The following LRRC4C variants were observed in gnomAD, a reference collection of about 807,000 sequenced individuals.
The protein encoded by LRRC4C is leucine-rich repeat-containing protein 4C.
In LRRC4C, 5 loss-of-function variants were observed where a neutral mutation model predicts 33.6. The ratio of observed to expected loss-of-function variants is 0.15; its 90% CI spans 0.08 to 0.31. LRRC4C has a LOEUF of 0.31. Ranked by LOEUF, LRRC4C falls within the 10% of genes least tolerant of loss-of-function variation. The pLI is 1.00. For synonymous variants in LRRC4C, 329 were observed against 302.0 expected (o/e 1.09, Z -0.93); for missense variants, 560 against 796.7 (o/e 0.70, Z 3.58).
At chr11:41,044,838 A>G (rs1476464592) in intron 1 of LRRC4C, among the ~76,000 whole-genome samples, 1 of 152,136 alleles carries the variant, frequency 6.6e-6, no homozygotes, top group Non-Finnish European at 1.5e-5. Context: ...ACTTGCATCA[A>G]TCCAAGTCTC....
At position 40,939,478 on chromosome 11, in the gene LRRC4C, A is replaced by AAC. The variant is rs34820264; in HGVS notation, c.-495-5756_-495-5755insGT. On this transcript the variant is annotated intron_variant, in intron 1 of 6. Coordinates refer to ENST00000528697, the MANE Select transcript of LRRC4C (RefSeq NM_001258419.2). ...CTTACTGTAAAGGATGAATAGCTTA[A>AAC]AAAGTGAAAAATACCTGAATTCATT... is the stretch of plus-strand genomic sequence containing the variant. Among the ~76,000 whole-genome samples the AAC allele has an allele frequency of 2.6e-3, 391 of 151,952 alleles. 2 individuals carry two copies. Among genetic ancestry groups the AAC allele is most frequent in the African/African-American group, 9.0e-3 (373 of 41,448 alleles).
intron 2 of LRRC4C, among the ~76,000 whole-genome samples, chr11:40,674,114 G>A (rs2136289379): frequency 6.6e-6 from 1 of 152,280 alleles, no homozygotes; most frequent in African/African-American, 2.4e-5. Flanking sequence ...AATCCCATTG[G>A]TGATCCCTTC....
chr11:40,765,126 T>C (rs1208174976), intron 2 of LRRC4C, among the ~76,000 whole-genome samples: 1 of 152,024 alleles, frequency 6.6e-6, no homozygotes, highest in Admixed American at 6.6e-5. Context: ...AGTGATATGG[T>C]TTAGTTCTGT....
intron 6 of LRRC4C, among the ~76,000 whole-genome samples, chr11:40,140,282 T>G (rs1299196706): frequency 1.3e-5 from 2 of 152,098 alleles, no homozygotes; most frequent in Non-Finnish European, 2.9e-5. Context: ...TCTCTGCAGG[T>G]AGAACTACCA....
intron 5 of LRRC4C, among the ~76,000 whole-genome samples, chr11:40,238,197 A>G (rs1363078959): frequency 6.6e-6 from 1 of 152,192 alleles, no homozygotes; most frequent in Non-Finnish European, 1.5e-5. Context: ...CTTTAAGTCC[A>G]TCTCAGCCAA....
intron 1 of LRRC4C, among the ~76,000 whole-genome samples, chr11:41,422,236 T>C (rs1355048693): frequency 6.6e-6 from 1 of 152,004 alleles, no homozygotes; most frequent in Non-Finnish European, 1.5e-5. Flanking sequence ...ATAACCATTG[T>C]CATCTCAGGG....
At chr11:41,276,843 T>C (rs1454060378) in intron 1 of LRRC4C, among the ~76,000 whole-genome samples, 2 of 152,138 alleles carry the variant, frequency 1.3e-5, no homozygotes, top group Non-Finnish European at 2.9e-5. Flanking sequence ...AGGCAGCCAC[T>C]GGAAGCTAGA....
intron 1 of LRRC4C, among the ~76,000 whole-genome samples, chr11:41,194,998 G>A (rs920455569): frequency 6.6e-6 from 1 of 151,840 alleles, no homozygotes; most frequent in Admixed American, 6.6e-5. Context: ...GCCCACCAAA[G>A]TGGTAATACT....
At chr11:40,936,166 C>G (rs1957889066) in intron 1 of LRRC4C, among the ~76,000 whole-genome samples, 1 of 145,740 alleles carries the variant, frequency 6.9e-6, no homozygotes. Flanking sequence ...TGTGGTGGAC[C>G]CAATATTAAA....
chr11:41,062,280 T>C (rs956186916), intron 1 of LRRC4C, among the ~76,000 whole-genome samples: 1 of 152,176 alleles, frequency 6.6e-6, no homozygotes, highest in Non-Finnish European at 1.5e-5. Context: ...CCAGTGTGTG[T>C]TGTTCACCTA....
intron 2 of LRRC4C, among the ~76,000 whole-genome samples, chr11:40,780,824 T>C (rs1185178459): frequency 6.6e-6 from 1 of 151,016 alleles, no homozygotes; most frequent in Non-Finnish European, 1.5e-5. Flanking sequence ...ATAATGAACA[T>C]GCAGATTGCC....
chr11:40,778,646 G>T (rs1950102939), intron 2 of LRRC4C, among the ~76,000 whole-genome samples: 1 of 152,132 alleles, frequency 6.6e-6, no homozygotes, highest in Admixed American at 6.5e-5. Context: ...AAGGAAAAAG[G>T]GGCTGGCTAA....
chr11:40,267,777 A>G (rs890356851), intron 4 of LRRC4C, among the ~76,000 whole-genome samples: 24 of 152,308 alleles, frequency 1.6e-4, no homozygotes, highest in African/African-American at 5.5e-4. Context: ...TTTGCTTCAA[A>G]TGGGAGTGGG....
chr11:40,913,975 A>G (rs1327465316), intron 2 of LRRC4C, among the ~76,000 whole-genome samples: 1 of 152,212 alleles, frequency 6.6e-6, no homozygotes, highest in Non-Finnish European at 1.5e-5. Context: ...CTCGACATAT[A>G]CACCCTCCCA....
At chr11:40,832,650 C>A (rs184301217) in intron 2 of LRRC4C, among the ~76,000 whole-genome samples, 230 of 152,150 alleles carry the variant, frequency 1.5e-3, no homozygotes, top group Admixed American at 2.6e-3. Flanking sequence ...TGTCTCTCTA[C>A]CAACTTTTTC....
chr11:41,045,465 A>G (rs1318966423), intron 1 of LRRC4C, among the ~76,000 whole-genome samples: 1 of 152,176 alleles, frequency 6.6e-6, no homozygotes, highest in Non-Finnish European at 1.5e-5. Context: ...CATCCAGACC[A>G]TGGAGACAGA....
intron 3 of LRRC4C, among the ~76,000 whole-genome samples, chr11:40,442,214 T>G (rs369479878): frequency 1.3e-5 from 2 of 151,028 alleles, no homozygotes; most frequent in African/African-American, 4.9e-5. Context: ...ATTCCTTCAT[T>G]GTAAAAGTCA....
intron 1 of LRRC4C, among the ~76,000 whole-genome samples, chr11:41,068,943 C>A (rs1244212441): frequency 3.9e-5 from 6 of 152,058 alleles, no homozygotes; most frequent in Admixed American, 1.3e-4. Context: ...ATTCTGAGAC[C>A]AAAACCTGGA....
intron 1 of LRRC4C, among the ~76,000 whole-genome samples, chr11:41,380,448 C>T (rs1280164797): frequency 6.6e-6 from 1 of 151,926 alleles, no homozygotes; most frequent in Admixed American, 6.6e-5. Flanking sequence ...CAGCTATGAA[C>T]ACACATAAAA....
Sources: allele counts gnomAD v4.1 joint callset (sites outside exome capture counted in the v4.1 genomes callset), GRCh38; gene constraint gnomAD v4.1.1; transcripts MANE v1.5; gene names NCBI Gene and HGNC (gene_info 2026-07-23, HGNC 2026-07-21).